CLCN3: variants seen among roughly 807,000 people sequenced by gnomAD.
CLCN3 encodes Cl-/H+ antiporter 3.
In CLCN3, 16 loss-of-function variants were observed where a neutral mutation model predicts 83.4. The ratio of observed to expected loss-of-function variants is 0.19; its 90% CI spans 0.13 to 0.29. The LOEUF is 0.29. CLCN3 is among the 10% of genes least tolerant of loss of function. CLCN3 has a pLI of 1.00. For missense variants in CLCN3, 544 were observed against 1,006.0 expected (o/e 0.54, Z 6.21); for synonymous variants, 322 against 346.2 (o/e 0.93, Z 0.78).
Position 169,663,751 on chromosome 4 carries a change from G to T in CLCN3, c.161-16299G>T, listed in dbSNP as rs1479878450. 2.5e-5 allele frequency: 7 copies of T among 278,496 alleles called. No individual in the cohort carries two copies. The Middle Eastern group carries it at 2.7e-3, about 106-fold the overall frequency. 17.3% of individuals were successfully genotyped at this position (278,496 alleles called of 1,614,324 possible). A position where few individuals can be genotyped will look rare whatever the true frequency, so the allele number is the denominator to read the frequency against. Reference sequence around the variant, plus strand: ...GTTGACAAGACTGAGGTAAGGAATTGTTAAGGAAAAGTCAGAATTCCATCC... The same window carrying T: ...GTTGACAAGACTGAGGTAAGGAATTTTTAAGGAAAAGTCAGAATTCCATCC... On this transcript the variant is annotated intron_variant, in intron 2 of 12. Coordinates refer to ENST00000513761, the MANE Select transcript of CLCN3 (RefSeq NM_001829.4).
At chr4:169,651,676 T>C (rs948688678) in intron 2 of CLCN3, among the ~76,000 whole-genome samples, 1 of 152,204 alleles carries the variant, frequency 6.6e-6, no homozygotes, top group Admixed American at 6.5e-5. Flanking sequence ...AGCCTGTTCA[T>C]GTTCAGTACA....
intron 1 of CLCN3, among the ~76,000 whole-genome samples, chr4:169,634,636 TTTTC>T (rs1285756749): frequency 6.6e-6 from 1 of 152,212 alleles, no homozygotes; most frequent in Non-Finnish European, 1.5e-5. Flanking sequence ...GTATTTACAT[TTTTC>T]TTTTTTAATT....
At chr4:169,623,649 C>CTT (rs1773161478) in intron 1 of CLCN3, among the ~76,000 whole-genome samples, 1 of 152,006 alleles carries the variant, frequency 6.6e-6, no homozygotes, top group African/African-American at 2.4e-5. Context: ...TTTGACTAAC[C>CTT]TCTCTCCTTT....
In CLCN3 at chr4:169,677,488, C is replaced by T. The variant is rs72694793; in HGVS notation, c.161-2562C>T. Among the ~76,000 whole-genome samples the T allele has an allele frequency of 3.6e-3, 546 of 152,298 alleles. 3 individuals are homozygous for T. The highest frequency in any genetic ancestry group is 0.022 in the South Asian group (107 of 4,828). ...TATTTACTCTCTGGCTCTTTGCCAA[C>T]CCGTTTTAGATTATGAGCACTTTGG... On this transcript the variant is annotated intron_variant, in intron 2 of 12. Transcript: ENST00000513761.
intron 1 of CLCN3, among the ~76,000 whole-genome samples, chr4:169,624,028 A>C: frequency 6.6e-6 from 1 of 152,248 alleles, no homozygotes; most frequent in Middle Eastern, 3.2e-3. Flanking sequence ...CAGTATAGCA[A>C]GGATTAGATA....
At chr4:169,685,053 A>G (rs1732102371) in intron 3 of CLCN3, among the ~76,000 whole-genome samples, 2 of 150,548 alleles carry the variant, frequency 1.3e-5, no homozygotes. Context: ...CTGGCCTCTA[A>G]CAGTCCTCCT....
chr4:169,714,077 C>T (rs998739830), intron 12 of CLCN3, among the ~76,000 whole-genome samples: 2 of 152,142 alleles, frequency 1.3e-5, no homozygotes, highest in African/African-American at 4.8e-5. Flanking sequence ...TTTCCTGGAC[C>T]TGGGATCTGT....
chr4:169,631,326 G>T (rs539532707), intron 1 of CLCN3, among the ~76,000 whole-genome samples: 1 of 151,888 alleles, frequency 6.6e-6, no homozygotes, highest in Non-Finnish European at 1.5e-5. Flanking sequence ...CTCTGTTGTC[G>T]CCCAGGCTGG....
chr4:169,683,210 A>G lies in CLCN3; in HGVS notation c.318+3003A>G, dbSNP rs191671008. Reference sequence around the variant, plus strand: ...GAGAAAACTGAGATCAAAGGAAACCAAAACAGGCTGGTCATAGTGGCTCAT... The same window carrying G: ...GAGAAAACTGAGATCAAAGGAAACCGAAACAGGCTGGTCATAGTGGCTCAT... On this transcript the variant is annotated intron_variant, in intron 3 of 12. Transcript: ENST00000513761. Among the ~76,000 whole-genome samples, 90 of 152,336 alleles carry G rather than the reference A, an allele frequency of 5.9e-4. 1 individual carries two copies. Among genetic ancestry groups the G allele is most frequent in the African/African-American group, 2.1e-3 (88 of 41,570 alleles).
At chr4:169,698,959 C>G (rs190990071) in intron 9 of CLCN3, among the ~76,000 whole-genome samples, 1 of 152,354 alleles carries the variant, frequency 6.6e-6, no homozygotes, top group East Asian at 1.9e-4. Flanking sequence ...CCAAACTCTG[C>G]TAAATCTCCC....
chr4:169,691,455 T>C (rs1168548179), intron 6 of CLCN3, among the ~76,000 whole-genome samples: 1 of 152,208 alleles, frequency 6.6e-6, no homozygotes, highest in African/African-American at 2.4e-5. Context: ...TTGGGTTTTA[T>C]TTTTCATCAC....
intron 1 of CLCN3, among the ~76,000 whole-genome samples, chr4:169,626,080 G>C (rs975155568): frequency 6.6e-6 from 1 of 152,180 alleles, no homozygotes; most frequent in Non-Finnish European, 1.5e-5. Flanking sequence ...GATTTTGCCT[G>C]TGCTTCTGAT....
intron 2 of CLCN3, among the ~76,000 whole-genome samples, chr4:169,650,555 A>G (rs1318352482): frequency 6.6e-6 from 1 of 152,242 alleles, no homozygotes; most frequent in Non-Finnish European, 1.5e-5. Context: ...TGGTGGTTAC[A>G]TTGTAAATCT....
At chr4:169,649,023 TAAAA>T (rs34046047) in intron 2 of CLCN3, among the ~76,000 whole-genome samples, 1 of 137,030 alleles carries the variant, frequency 7.3e-6, no homozygotes, top group African/African-American at 2.8e-5. Context: ...GGAGAATATC[TAAAA>T]AAAAAAAAAA....
chr4:169,708,863 A>G (rs1435857449), intron 11 of CLCN3, among the ~76,000 whole-genome samples: 3 of 151,790 alleles, frequency 2.0e-5, no homozygotes, highest in Non-Finnish European at 2.9e-5. Flanking sequence ...CACACCTTAA[A>G]TGTTTTACCG....
intron 10 of CLCN3, among the ~76,000 whole-genome samples, chr4:169,706,104 C>A (rs1415320807): frequency 1.3e-5 from 2 of 152,246 alleles, no homozygotes; most frequent in African/African-American, 4.8e-5. Flanking sequence ...GAACGCAGCT[C>A]ACTGCAGCCT....
intron 2 of CLCN3, among the ~76,000 whole-genome samples, chr4:169,653,640 C>CA (rs70964215): frequency 0.63 from 46,230 of 73,586 alleles, 15,812 homozygotes; most frequent in East Asian, 0.9. Flanking sequence ...GACTCCGTCT[C>CA]AAAAAAAAAA....
chr4:169,661,374 G>A (rs1279298827), intron 2 of CLCN3, among the ~76,000 whole-genome samples: 5 of 151,988 alleles, frequency 3.3e-5, no homozygotes, highest in Non-Finnish European at 4.4e-5. Context: ...TTATTTGTAA[G>A]TATATAAGGA....
intron 1 of CLCN3, among the ~76,000 whole-genome samples, chr4:169,622,881 CAG>C (rs1355640368): frequency 6.6e-6 from 1 of 152,152 alleles, no homozygotes; most frequent in African/African-American, 2.4e-5. Context: ...TGTAAAATTA[CAG>C]AGAGTCTGGG....
Sources: gnomAD v4.1 joint callset for allele counts (sites outside exome capture counted in the v4.1 genomes callset) on GRCh38, gnomAD v4.1.1 for gene constraint, MANE v1.5 for transcripts, NCBI Gene and HGNC (gene_info 2026-07-23, HGNC 2026-07-21) for gene names.